The following API5 variants were observed in gnomAD, a reference collection of about 807,000 sequenced individuals.
API5 encodes FIF.
In API5, 6 loss-of-function variants were observed where a neutral mutation model predicts 71.9. That is an observed-to-expected ratio of 0.08 (90% CI 0.05 to 0.16). The LOEUF is 0.16. Ranked by LOEUF, API5 falls within the 10% of genes least tolerant of loss-of-function variation. The pLI is 1.00. For synonymous variants in API5, 189 were observed against 221.3 expected (o/e 0.85, Z 1.30); for missense variants, 332 against 612.8 (o/e 0.54, Z 4.84).
intron 1 of API5, among the ~76,000 whole-genome samples, chr11:43,313,106 CAA>C (rs34061133): frequency 1.3e-4 from 14 of 106,828 alleles, no homozygotes; most frequent in Admixed American, 2.0e-4. Flanking sequence ...GACCCCGTCT[CAA>C]AAAAAAAAAA....
chr11:43,318,982 C>A, intron 2 of API5, 181 bp downstream of exon 2: 1 of 507,704 alleles, frequency 2.0e-6, no homozygotes, highest in Non-Finnish European at 3.3e-6. Context: ...TTTTCAACAC[C>A]TTTAAATTAT....
At chr11:43,324,215 C>T (rs532477382) in intron 6 of API5, among the ~76,000 whole-genome samples, 1 of 152,206 alleles carries the variant, frequency 6.6e-6, no homozygotes, top group South Asian at 2.1e-4. Flanking sequence ...ACGGGGCTTC[C>T]CCATGTTGCC....
intron 6 of API5, among the ~76,000 whole-genome samples, chr11:43,325,910 T>C (rs1855054965): frequency 6.6e-6 from 1 of 152,206 alleles, no homozygotes. Context: ...ATTATGAGCT[T>C]GTTTTGAGAA....
At chr11:43,335,539 G>A (rs1014284130) in intron 12 of API5, among the ~76,000 whole-genome samples, 185 bp downstream of exon 12, 4 of 152,076 alleles carry the variant, frequency 2.6e-5, no homozygotes, top group Non-Finnish European at 4.4e-5. Flanking sequence ...GGGAGGCAAC[G>A]CTGGAACTTT....
intron 7 of API5, among the ~76,000 whole-genome samples, chr11:43,327,009 A>AT (rs1314849730): frequency 6.6e-6 from 1 of 152,154 alleles, no homozygotes; most frequent in Non-Finnish European, 1.5e-5. Context: ...GTATGTAAAC[A>AT]TTTTTTCACA....
At chr11:43,324,482 G>C (rs5743227) in intron 6 of API5, among the ~76,000 whole-genome samples, 13,242 of 152,100 alleles carry the variant, frequency 0.087, 884 homozygotes, top group Admixed American at 0.23. Context: ...AGGCGTGGTG[G>C]CCCGTCCCTG....
In API5 at chr11:43,343,854, T is replaced by C. The variant is rs1855699998; in HGVS notation, c.*1344T>C. The C allele has an allele frequency of 6.6e-6, 1 of 152,664 alleles. No homozygotes were observed. The highest frequency in any genetic ancestry group is 1.5e-5 in the Non-Finnish European group (1 of 68,046). The allele number at this position is 152,664 out of a possible 1,614,324, so 9.5% of individuals were successfully genotyped here. ...TCAACTGCCTGAATGACATTTCTAG[T>C]AGTCTGATGTATTTTTCTGAGGAAT... On this transcript the variant is annotated 3_prime_UTR_variant, in exon 14 of 14. Transcript: ENST00000531273.
chr11:43,312,225 G>A (rs1015614458), intron 1 of API5, 29 bp downstream of exon 1: 3 of 1,609,222 alleles, frequency 1.9e-6, no homozygotes, highest in Non-Finnish European at 2.5e-6. Context: ...CGGCCTGCAG[G>A]GCCTGGCGCT....
chr11:43,313,536 C>T (rs1006313947), intron 1 of API5, among the ~76,000 whole-genome samples: 2 of 151,956 alleles, frequency 1.3e-5, no homozygotes, highest in Admixed American at 6.6e-5. Flanking sequence ...GTACCTTTCC[C>T]GTCCCCTTTT....
At chr11:43,320,701 A>C in intron 2 of API5, 120 bp from the exon 3 acceptor site, 1 of 847,494 alleles carries the variant, frequency 1.2e-6, no homozygotes, top group East Asian at 2.5e-5. Context: ...ACTGCACTCC[A>C]ACCTGGGCAA....
At chr11:43,314,553 C>G (rs987655155) in intron 1 of API5, among the ~76,000 whole-genome samples, 7 of 152,170 alleles carry the variant, frequency 4.6e-5, no homozygotes, top group African/African-American at 1.7e-4. Flanking sequence ...AATGAGGACT[C>G]CATGCTTTAT....
At chr11:43,318,096 G>A (rs540558149) in intron 1 of API5, among the ~76,000 whole-genome samples, 319 of 152,188 alleles carry the variant, frequency 2.1e-3, no homozygotes, top group Non-Finnish European at 3.0e-3. Context: ...TGCAACCTCC[G>A]CTTCCCGGAC....
chr11:43,340,766 C>T (rs1855584498), intron 13 of API5, among the ~76,000 whole-genome samples: 1 of 151,734 alleles, frequency 6.6e-6, no homozygotes, highest in South Asian at 2.1e-4. Context: ...TAGATCCGCA[C>T]CTCCCACCCT....
Position 43,330,050 on chromosome 11 carries a change from A to T in API5, c.1213A>T (p.Thr405Ser), listed in dbSNP as rs1389227313. 14 of 1,613,422 alleles carry T rather than the reference A, an allele frequency of 8.7e-6. No individual in the cohort carries two copies. The highest frequency in any genetic ancestry group is 1.2e-5 in the Non-Finnish European group (14 of 1,179,466). ...LQGKTGEALK[T>S]EENKIKVVAL... Reference sequence around the variant, plus strand: ...GGGTAAAACGGGTGAGGCCTTAAAAACAGAAGAGGTAAGAATACTGGCTCA... The same window carrying T: ...GGGTAAAACGGGTGAGGCCTTAAAATCAGAAGAGGTAAGAATACTGGCTCA... The change falls in exon 10 of 14, where the codon ACA becomes TCA. Residue 405 changes from threonine to serine, a missense_variant. Physicochemically the swap from Thr to Ser is moderately conservative, Grantham distance 58. Transcript: ENST00000531273.
rs1433132254 is a variant in API5, at chr11:43,338,340, T to G, written c.1492+2346T>G. On this transcript the variant is annotated intron_variant, in intron 13 of 13. Transcript: ENST00000531273. Reference sequence around the variant, plus strand: ...ATGGTATTGGTTCTCACAAATTAGTTCAACTTCCCGGTGCATTCATAAACA... The same window carrying G: ...ATGGTATTGGTTCTCACAAATTAGTGCAACTTCCCGGTGCATTCATAAACA... Among the ~76,000 whole-genome samples, 4 of 152,274 alleles carry G rather than the reference T, an allele frequency of 2.6e-5. No individual in the cohort carries two copies. The South Asian group carries it at 6.2e-4, about 24-fold the overall frequency.
intron 2 of API5, among the ~76,000 whole-genome samples, 157 bp from the exon 3 acceptor site, chr11:43,320,664 A>G: frequency 6.6e-6 from 1 of 151,904 alleles, no homozygotes; most frequent in Non-Finnish European, 1.5e-5. Flanking sequence ...CTAGAAGGTC[A>G]AGGCTACATT....
intron 8 of API5, 24 bp downstream of exon 8, chr11:43,327,902 T>C: frequency 6.7e-7 from 1 of 1,495,566 alleles, no homozygotes; most frequent in Admixed American, 1.7e-5. Flanking sequence ...CCTTTCCTTA[T>C]GGGATAGTCA....
Position 43,338,678 on chromosome 11 carries a change from C to A in API5, c.1492+2684C>A, listed in dbSNP as rs1330939612. On this transcript the variant is annotated intron_variant, in intron 13 of 13. Transcript: ENST00000531273. The stretch of plus-strand genomic sequence containing the variant: ...AAAAAAAAAAAAAAAAAGCATTTGC[C>A]AATATAGAAAAGATAACTACGTCAA... 3.5e-5 allele frequency among the ~76,000 whole-genome samples: 5 copies of A among 140,982 alleles called. No homozygotes were observed. The East Asian group carries it at 8.3e-4, about 23-fold the overall frequency. 92.5% of individuals were successfully genotyped at this position (140,982 alleles called of 152,430 possible). A position where few individuals can be genotyped will look rare whatever the true frequency, so the allele number is the denominator to read the frequency against.
chr11:43,322,698 G>C (rs1854935426), intron 5 of API5, among the ~76,000 whole-genome samples: 1 of 152,146 alleles, frequency 6.6e-6, no homozygotes, highest in South Asian at 2.1e-4. Flanking sequence ...TGTTACAGAA[G>C]ATTCAGCATT....
Sources: gnomAD v4.1 joint callset for allele counts (sites outside exome capture counted in the v4.1 genomes callset) on GRCh38, gnomAD v4.1.1 for gene constraint, MANE v1.5 for transcripts, NCBI Gene and HGNC (gene_info 2026-07-23, HGNC 2026-07-21) for gene names.